The following CYP19A1 variants were observed in gnomAD, a reference collection of about 807,000 sequenced individuals.
CYP19A1 encodes the protein aromatase.
CYP19A1 carries 32 observed loss-of-function variants against 44.4 expected under a neutral mutation model. The ratio of observed to expected loss-of-function variants is 0.72; its 90% CI spans 0.54 to 0.97. The LOEUF is 0.97. Among genes scored for constraint, CYP19A1 ranks in the 50% least tolerant of loss-of-function variants. CYP19A1 has a pLI of 0.00. For missense variants in CYP19A1, 598 were observed against 637.8 expected (o/e 0.94, Z 0.67); for synonymous variants, 212 against 215.6 (o/e 0.98, Z 0.14).
chr15:51,264,166 C>G (rs1009171904), intron 1 of CYP19A1, among the ~76,000 whole-genome samples: 8 of 152,084 alleles, frequency 5.3e-5, no homozygotes, highest in Admixed American at 4.6e-4. Context: ...GGGACTTGAG[C>G]AAGGGAGCTG....
chr15:51,238,827 G>A (rs2033573310), intron 2 of CYP19A1, among the ~76,000 whole-genome samples: 2 of 152,156 alleles, frequency 1.3e-5, no homozygotes, highest in South Asian at 4.1e-4. Context: ...TTGTATATCA[G>A]CTTAATTCAT....
chr15:51,218,573 A>C lies in CYP19A1; in HGVS notation c.711T>G (p.Ile237Met), dbSNP rs2031792308. The C allele has an allele frequency of 6.2e-7, 1 of 1,613,668 alleles. No individual in the cohort carries two copies. Among genetic ancestry groups the C allele is most frequent in the African/African-American group, 1.3e-5 (1 of 74,922 alleles). The change falls in exon 6 of 10, where the codon ATT (isoleucine) becomes ATG (methionine). Residue 237 changes from isoleucine (I) to methionine (M), a missense_variant. By Grantham distance (10) the Ile-to-Met change is conservative. Transcript: ENST00000396402. Reference protein sequence around the residue: ...LLIKPDIFFKISWLYKKYEKS... With the variant: ...LLIKPDIFFKMSWLYKKYEKS... ...TCTCATACTTTTTGTATAGCCAAGA[A>C]ATCTTAAAGAAGATGTCTGGTTTGA...
intron 1 of CYP19A1, among the ~76,000 whole-genome samples, chr15:51,306,434 C>G (rs1004322283): frequency 6.6e-6 from 1 of 151,632 alleles, no homozygotes; most frequent in African/African-American, 2.4e-5. Flanking sequence ...ACTAGTGAAT[C>G]ATTTTAATGT....
chr15:51,210,488 A>G lies in CYP19A1; in HGVS notation c.*320T>C. The G allele has an allele frequency of 1.8e-6, 1 of 545,650 alleles. No homozygotes were observed. 33.8% of individuals were successfully genotyped at this position (545,650 alleles called of 1,614,324 possible). A position where few individuals can be genotyped will look rare whatever the true frequency, so the allele number is the denominator to read the frequency against. ...GTAGAGCTCTACTGGGGAACCAGAC[A>G]TACATTTTGTTAATGAAGGCCTATC... On this transcript the variant is annotated 3_prime_UTR_variant, in exon 10 of 10. Transcript: ENST00000396402.
intron 1 of CYP19A1, among the ~76,000 whole-genome samples, chr15:51,282,375 A>G (rs987895634): frequency 6.6e-6 from 1 of 152,150 alleles, no homozygotes; most frequent in African/African-American, 2.4e-5. Flanking sequence ...CCTTGCTTCT[A>G]GCTTAAACTG....
At position 51,208,665 on chromosome 15, in the gene CYP19A1, A is replaced by G. The variant is rs971087974; in HGVS notation, c.*2143T>C. On this transcript the variant is annotated 3_prime_UTR_variant, in exon 10 of 10. Transcript: ENST00000396402. ...AAGCAGAGTGAAAAGTTGAACAACT[A>G]CCCAGGTAATTTGATTCTGGGAGAG... 2.0e-5 allele frequency: 3 copies of G among 152,100 alleles called. No individual in the cohort carries two copies. Among genetic ancestry groups the G allele is most frequent in the South Asian group, 2.1e-4 (1 of 4,822 alleles). 9.4% of individuals were successfully genotyped at this position (152,100 alleles called of 1,614,324 possible). A position where few individuals can be genotyped will look rare whatever the true frequency, so the allele number is the denominator to read the frequency against.
chr15:51,238,613 C>T lies in CYP19A1; in HGVS notation c.146-1604G>A, dbSNP rs528841063. Among the ~76,000 whole-genome samples, 5 of 152,240 alleles carry T rather than the reference C, an allele frequency of 3.3e-5. No individual in the cohort carries two copies. In the East Asian group the frequency reaches 5.8e-4, roughly 18 times the overall value. The stretch of plus-strand genomic sequence containing the variant: ...AAGCGATTCTTTTGCCTCAGCCTCC[C>T]GAGTAGCTGGGATTACAGGCTTGTG... On this transcript the variant is annotated intron_variant, in intron 2 of 9. Transcript: ENST00000396402.
At chr15:51,246,516 CA>C (rs893355460) in intron 1 of CYP19A1, among the ~76,000 whole-genome samples, 2 of 151,922 alleles carry the variant, frequency 1.3e-5, no homozygotes, top group Non-Finnish European at 2.9e-5. Flanking sequence ...AACGCCCCAC[CA>C]ACCTCTGCGT....
At chr15:51,211,230 T>C (rs1348413158) in intron 9 of CYP19A1, among the ~76,000 whole-genome samples, 174 bp from the exon 10 acceptor site, 1 of 152,188 alleles carries the variant, frequency 6.6e-6, no homozygotes, top group African/African-American at 2.4e-5. Flanking sequence ...CTATGTCCTA[T>C]TTCATTCACC....
At chr15:51,336,785 T>C (rs1186894713) in intron 1 of CYP19A1, among the ~76,000 whole-genome samples, 1 of 152,194 alleles carries the variant, frequency 6.6e-6, no homozygotes, top group Non-Finnish European at 1.5e-5. Context: ...CTACTTCTCA[T>C]TGTAAAGATA....
intron 1 of CYP19A1, among the ~76,000 whole-genome samples, chr15:51,264,996 AAC>A (rs962833087): frequency 6.6e-6 from 1 of 152,258 alleles, no homozygotes; most frequent in Non-Finnish European, 1.5e-5. Flanking sequence ...TTACAAAAAT[AAC>A]ACATAAGTAA....
intron 3 of CYP19A1, among the ~76,000 whole-genome samples, chr15:51,236,595 G>C (rs964280274): frequency 1.3e-5 from 2 of 152,182 alleles, no homozygotes; most frequent in Non-Finnish European, 2.9e-5. Context: ...TGGCTTCTAA[G>C]TTTCCACATT....
chr15:51,215,272 T>A, intron 7 of CYP19A1, 40 bp from the exon 8 acceptor site: 1 of 1,613,490 alleles, frequency 6.2e-7, no homozygotes, highest in South Asian at 1.1e-5. Context: ...GAAAAGTGAA[T>A]CAAAGTTTCA....
At chr15:51,309,093 A>G (rs1403229480) in intron 1 of CYP19A1, among the ~76,000 whole-genome samples, 1 of 152,198 alleles carries the variant, frequency 6.6e-6, no homozygotes, top group Non-Finnish European at 1.5e-5. Context: ...ACATGTTGAA[A>G]TTGAATCCCC....
chr15:51,268,525 C>T (rs1017067465), intron 1 of CYP19A1, among the ~76,000 whole-genome samples: 2 of 140,268 alleles, frequency 1.4e-5, no homozygotes, highest in Non-Finnish European at 3.1e-5. Flanking sequence ...TCCTTCCCCC[C>T]CCCCCTTTTT....
intron 6 of CYP19A1, among the ~76,000 whole-genome samples, chr15:51,218,164 C>A (rs2031747737): frequency 6.6e-6 from 1 of 152,162 alleles, no homozygotes; most frequent in African/African-American, 2.4e-5. Context: ...AACAACACAA[C>A]TATAAATTGA....
intron 2 of CYP19A1, among the ~76,000 whole-genome samples, chr15:51,239,665 A>G (rs545183568): frequency 6.6e-6 from 1 of 152,102 alleles, no homozygotes; most frequent in African/African-American, 2.4e-5. Flanking sequence ...TGACTGTCAC[A>G]AAATCAAAGA....
rs1349382941 is a variant in CYP19A1 at position 51,222,482 on chromosome 15, A to G, written c.495T>C (p.Ala165=). ...PGLVRMVTVC[A]ESLKTHLDRL... is the part of the protein sequence containing the mutation. ...TGTCCAGATGTGTTTTGAGGGATTC[A>G]GCACAGACTGTGACCATACGAACAA... Residue 165 remains alanine (A), a synonymous_variant, in exon 5 of 10, where the codon GCT becomes GCC. Coordinates refer to ENST00000396402, the MANE Select transcript of CYP19A1 (RefSeq NM_000103.4). The G allele has an allele frequency of 1.2e-6, 2 of 1,613,972 alleles. No homozygotes were observed. Among genetic ancestry groups the G allele is most frequent in the African/African-American group, 1.3e-5 (1 of 74,924 alleles).
At chr15:51,243,273 T>C (rs2033886644) in intron 1 of CYP19A1, among the ~76,000 whole-genome samples, 1 of 152,070 alleles carries the variant, frequency 6.6e-6, no homozygotes, top group African/African-American at 2.4e-5. Context: ...CTTGCCAAAT[T>C]ATAAGAAAAT....
Sources: gnomAD v4.1 joint callset for allele counts (sites outside exome capture counted in the v4.1 genomes callset) on GRCh38, gnomAD v4.1.1 for gene constraint, MANE v1.5 for transcripts, NCBI Gene and HGNC (gene_info 2026-07-23, HGNC 2026-07-21) for gene names.